SAE1: variants seen among roughly 807,000 people sequenced by gnomAD.
SAE1 encodes SUMO-activating enzyme subunit 1.
Under a neutral mutation model 40.6 loss-of-function variants are expected in SAE1, and 11 were observed. The observed-to-expected ratio is 0.27, with a 90% CI of 0.17 to 0.45. SAE1 has a LOEUF of 0.45. Among genes scored for constraint, SAE1 ranks in the 20% least tolerant of loss-of-function variants. The probability of loss-of-function intolerance (pLI) is 1.00; values close to 1 mark genes in which losing one functional copy is unlikely to be tolerated. For synonymous variants in SAE1, 155 were observed against 154.3 expected (o/e 1.00, Z -0.03); for missense variants, 373 against 427.3 (o/e 0.87, Z 1.12).
chr19:47,173,736 G>A (rs1386988399), intron 6 of SAE1, among the ~76,000 whole-genome samples: 3 of 151,688 alleles, frequency 2.0e-5, no homozygotes, highest in African/African-American at 7.3e-5. Flanking sequence ...GAGAACCACT[G>A]GATTATGCTA....
chr19:47,151,339 T>A (rs985219380), intron 3 of SAE1, among the ~76,000 whole-genome samples: 2 of 152,002 alleles, frequency 1.3e-5, no homozygotes, highest in African/African-American at 4.8e-5. Context: ...TTAGTAGAGA[T>A]GGGGTTTCAC....
chr19:47,175,187 T>C (rs2058461884), intron 6 of SAE1, among the ~76,000 whole-genome samples: 1 of 150,412 alleles, frequency 6.6e-6, no homozygotes, highest in South Asian at 2.1e-4. Flanking sequence ...CAGGGTGGCT[T>C]TGGGGGATAT....
rs1422745070 is a variant in SAE1 at position 47,143,648 on chromosome 19, T to A, written c.210+43T>A. 2.1e-6 allele frequency: 3 copies of A among 1,435,656 alleles called. No individual in the cohort carries two copies. The Admixed American group carries it at 5.0e-5, about 24-fold the overall frequency. The allele number at this position is 1,435,656 out of a possible 1,614,324, so 88.9% of individuals were successfully genotyped here. On this transcript the variant is annotated intron_variant, in intron 2 of 8. Transcript: ENST00000270225. ...CATTCCTCCCCTGCTCTGGCTCCCCTTTCCAGCATGAAGATCTGCAGATTT... is the reference window on the plus strand; with the variant it reads ...CATTCCTCCCCTGCTCTGGCTCCCCATTCCAGCATGAAGATCTGCAGATTT...
intron 6 of SAE1, among the ~76,000 whole-genome samples, chr19:47,185,935 A>G (rs1422567197): frequency 6.6e-6 from 1 of 151,190 alleles, no homozygotes; most frequent in Non-Finnish European, 1.5e-5. Flanking sequence ...TGCCGACATA[A>G]CACTCAAAAA....
intron 6 of SAE1, among the ~76,000 whole-genome samples, chr19:47,177,346 TC>T (rs1248471841): frequency 6.6e-6 from 1 of 152,200 alleles, no homozygotes; most frequent in Non-Finnish European, 1.5e-5. Context: ...CATGTGTTGT[TC>T]CTGGTTTTTG....
chr19:47,158,888 T>C (rs2058340493), intron 5 of SAE1, among the ~76,000 whole-genome samples: 1 of 152,228 alleles, frequency 6.6e-6, no homozygotes, highest in Non-Finnish European at 1.5e-5. Flanking sequence ...GGGATACCCC[T>C]GAAGTTGCTA....
chr19:47,139,027 GTGGGAGCAAGGA>G (rs1469497228), intron 1 of SAE1, among the ~76,000 whole-genome samples: 15 of 152,256 alleles, frequency 9.9e-5, no homozygotes, highest in Middle Eastern at 3.4e-3. Flanking sequence ...AGGTCCTAAG[GTGGGAGCAAGGA>G]TGGGAGCAAG....
intron 6 of SAE1, among the ~76,000 whole-genome samples, chr19:47,173,219 G>A (rs535118654): frequency 4.2e-4 from 64 of 152,060 alleles, no homozygotes; most frequent in Non-Finnish European, 7.2e-4. Flanking sequence ...GGCTGGTCTC[G>A]AACTCTTGAC....
intron 5 of SAE1, among the ~76,000 whole-genome samples, chr19:47,159,796 C>T (rs1254243971): frequency 6.6e-6 from 1 of 152,108 alleles, no homozygotes; most frequent in Non-Finnish European, 1.5e-5. Context: ...TGGGTTCAAG[C>T]AATTCTCCTG....
Position 47,155,425 on chromosome 19 carries a change from T to C in SAE1, c.627+212T>C, listed in dbSNP as rs187879620. On this transcript the variant is annotated intron_variant, in intron 5 of 8. Transcript: ENST00000270225. The stretch of plus-strand genomic sequence containing the variant: ...TTCCAGATGGGATTTTTCAAGACAA[T>C]GAGAAATGCAAACTTTTGTAGGCTC... Among the ~76,000 whole-genome samples the C allele has an allele frequency of 9.9e-5, 15 of 152,078 alleles. No individual in the cohort carries two copies. In the East Asian group the frequency reaches 2.7e-3, roughly 27 times the overall value.
intron 1 of SAE1, among the ~76,000 whole-genome samples, chr19:47,133,954 C>T (rs1337194233): frequency 6.6e-6 from 1 of 151,754 alleles, no homozygotes; most frequent in Admixed American, 6.6e-5. Flanking sequence ...CCTCTGCCTC[C>T]CAGGTTCAAG....
At position 47,150,240 on chromosome 19, in the gene SAE1, T is replaced by C; in HGVS notation, c.249T>C (p.Arg83=). The C allele has an allele frequency of 3.1e-6, 5 of 1,612,772 alleles. No individual in the cohort carries two copies. The highest frequency in any genetic ancestry group is 4.2e-6 in the Non-Finnish European group (5 of 1,179,682). The part of the protein sequence containing the change: ...PEDPGAQFLI[R]TGSVGRNRAE... Reference sequence around the variant, plus strand: ...ATCCCGGAGCTCAGTTCTTGATTCGTACTGGGTCTGTTGGCCGAAATAGGG... The same window carrying C: ...ATCCCGGAGCTCAGTTCTTGATTCGCACTGGGTCTGTTGGCCGAAATAGGG... Residue 83 remains arginine (R), a synonymous_variant, in exon 3 of 9, where the codon CGT becomes CGC. Transcript: ENST00000270225.
intron 6 of SAE1, among the ~76,000 whole-genome samples, chr19:47,183,867 C>T (rs2058526295): frequency 6.6e-6 from 1 of 152,224 alleles, no homozygotes; most frequent in Admixed American, 6.5e-5. Context: ...GACCCTCTCT[C>T]CCTGCTGCTT....
chr19:47,175,118 T>TC (rs970033703), intron 6 of SAE1, among the ~76,000 whole-genome samples: 4 of 148,260 alleles, frequency 2.7e-5, no homozygotes, highest in Non-Finnish European at 6.0e-5. Flanking sequence ...TTTTTTTTTT[T>TC]TTTTTTTTTT....
chr19:47,193,805 G>A (rs2058594894), intron 6 of SAE1, among the ~76,000 whole-genome samples: 1 of 147,414 alleles, frequency 6.8e-6, no homozygotes, highest in African/African-American at 2.5e-5. Flanking sequence ...TCCAGCCTGG[G>A]CAACAGAGCA....
chr19:47,196,333 CT>C lies in SAE1; in HGVS notation c.734-866del, dbSNP rs61498882. ...TACAGGCGTGAGCCACCGCGCCTGG[CT>C]TTTTTTTTTTTTTTTTTTTTTTTTT... is the stretch of plus-strand genomic sequence containing the variant. On this transcript the variant is annotated intron_variant, in intron 6 of 8. Transcript: ENST00000270225. Among the ~76,000 whole-genome samples, 92 of 27,892 alleles carry C rather than the reference CT, an allele frequency of 3.3e-3. 1 individual carries two copies. The highest frequency in any genetic ancestry group is 0.017 in the African/African-American group (86 of 5,086). 18.3% of individuals were successfully genotyped at this position (27,892 alleles called of 152,430 possible).
intron 7 of SAE1, among the ~76,000 whole-genome samples, chr19:47,201,360 CTTTTTTTTTTTTT>C (rs57568797): frequency 4.7e-4 from 31 of 66,232 alleles, no homozygotes; most frequent in African/African-American, 1.2e-3. Context: ...TATCTGGTTC[CTTTTTTTTTTTTT>C]TTTTTTTTTT....
chr19:47,209,377 T>C lies in SAE1; in HGVS notation c.*126T>C, dbSNP rs1264711259. The C allele has an allele frequency of 6.6e-7, 1 of 1,524,436 alleles. No individual in the cohort carries two copies. Among genetic ancestry groups the C allele is most frequent in the Admixed American group, 2.0e-5 (1 of 49,314 alleles). The allele number at this position is 1,524,436 out of a possible 1,614,324, so 94.4% of individuals were successfully genotyped here. On this transcript the variant is annotated 3_prime_UTR_variant, in exon 9 of 9. Transcript: ENST00000270225. The stretch of plus-strand genomic sequence containing the variant: ...AGTCATTGGCCCGATACAAAACATT[T>C]CCTGCAACGAAGGAGGTGGTGCCGA...
chr19:47,148,977 C>G (rs972607605), intron 2 of SAE1, among the ~76,000 whole-genome samples: 6 of 151,580 alleles, frequency 4.0e-5, no homozygotes, highest in Non-Finnish European at 7.4e-5. Flanking sequence ...GATTTTTGCA[C>G]AAGTTTGATT....
Sources: gnomAD v4.1 joint callset for allele counts (sites outside exome capture counted in the v4.1 genomes callset) on GRCh38, gnomAD v4.1.1 for gene constraint, MANE v1.5 for transcripts, NCBI Gene and HGNC (gene_info 2026-07-23, HGNC 2026-07-21) for gene names.